The following INPP5A variants were observed in gnomAD, a reference collection of about 807,000 sequenced individuals.
The protein encoded by INPP5A is 43 kDa inositol polyphosphate 5-phophatase.
Under a neutral mutation model 65.2 loss-of-function variants are expected in INPP5A, and 14 were observed. The observed-to-expected ratio is 0.21, with a 90% CI of 0.14 to 0.34. The LOEUF is 0.34. INPP5A is among the 10% of genes least tolerant of loss of function. The probability of loss-of-function intolerance (pLI) is 1.00; values close to 1 mark genes in which losing one functional copy is unlikely to be tolerated. For missense variants in INPP5A, 431 were observed against 545.6 expected, an observed-to-expected ratio of 0.79 and a Z score of 2.09; for synonymous variants, 207 against 208.3, an observed-to-expected ratio of 0.99 and a Z score of 0.05.
chr10:132,772,478 A>G (rs370676504), intron 12 of INPP5A, among the ~76,000 whole-genome samples: 2,662 of 98,218 alleles, frequency 0.027, 25 homozygotes, highest in Non-Finnish European at 0.041. Flanking sequence ...AGAGTGGGAC[A>G]GACACTCAGC....
intron 4 of INPP5A, among the ~76,000 whole-genome samples, chr10:132,661,439 C>A (rs1169170650): frequency 6.6e-6 from 1 of 152,126 alleles, no homozygotes; most frequent in Non-Finnish European, 1.5e-5. Context: ...TTTATAATAG[C>A]ATCAAAAATA....
At chr10:132,776,989 C>T (rs978584773) in intron 12 of INPP5A, among the ~76,000 whole-genome samples, 8 of 152,154 alleles carry the variant, frequency 5.3e-5, no homozygotes, top group South Asian at 2.1e-4. Context: ...GTGGTGGAGA[C>T]GCAACCAGCA....
intron 8 of INPP5A, among the ~76,000 whole-genome samples, chr10:132,720,244 G>C (rs143419788): frequency 0.028 from 4,167 of 149,480 alleles, no homozygotes; most frequent in African/African-American, 0.097. Context: ...TTAGACGGCT[G>C]TCTTGCGGGT....
At chr10:132,553,551 G>A (rs1450341827) in intron 1 of INPP5A, among the ~76,000 whole-genome samples, 1 of 146,862 alleles carries the variant, frequency 6.8e-6, no homozygotes, top group Non-Finnish European at 1.5e-5. Flanking sequence ...GGGAGGATTG[G>A]TGAACGCCTT....
At chr10:132,597,923 G>A (rs562362268) in intron 1 of INPP5A, among the ~76,000 whole-genome samples, 39 of 151,800 alleles carry the variant, frequency 2.6e-4, no homozygotes, top group Non-Finnish European at 4.3e-4. Context: ...CCTGTGGTGC[G>A]TCCTGCGGGG....
intron 11 of INPP5A, among the ~76,000 whole-genome samples, chr10:132,755,296 C>T (rs556188081): frequency 1.4e-5 from 2 of 142,266 alleles, no homozygotes; most frequent in South Asian, 2.3e-4. Context: ...TGTGTGTGAG[C>T]GTGTATGCAT....
intron 9 of INPP5A, 118 bp from the exon 10 acceptor site, chr10:132,749,399 T>A (rs1846430271): frequency 1.0e-5 from 9 of 879,054 alleles, no homozygotes; most frequent in Non-Finnish European, 1.6e-5. Flanking sequence ...AATCTGGGTG[T>A]GACACCAGCT....
At chr10:132,561,434 G>A (rs762900582) in intron 1 of INPP5A, among the ~76,000 whole-genome samples, 17 of 151,430 alleles carry the variant, frequency 1.1e-4, no homozygotes, top group Admixed American at 3.3e-4. Flanking sequence ...TGGTTGTCTC[G>A]GTACCATTTT....
rs374390685 is a variant in INPP5A at position 132,627,464 on chromosome 10, A to G, written c.118-18404A>G. On this transcript the variant is annotated intron_variant, in intron 2 of 15. Transcript: ENST00000368594. This position sits in a 1 kb window ranked among gnomAD's most constrained non-coding sequence, Gnocchi z 6.6. Reference sequence around the variant, plus strand: ...TGGGCGCGGCTCCCAAGATGCGTGCAGCTGTCCGCGGTGGCTGCCTCGTCC... The same window carrying G: ...TGGGCGCGGCTCCCAAGATGCGTGCGGCTGTCCGCGGTGGCTGCCTCGTCC... Among the ~76,000 whole-genome samples, 22 of 152,286 alleles carry G rather than the reference A, an allele frequency of 1.4e-4. No individual in the cohort carries two copies. The East Asian group carries it at 4.1e-3, about 28-fold the overall frequency.
Position 132,675,770 on chromosome 10 carries a change from T to G in INPP5A, c.307-14622T>G, listed in dbSNP as rs1003614047. On this transcript the variant is annotated intron_variant, in intron 4 of 15. Coordinates refer to ENST00000368594, the MANE Select transcript of INPP5A (RefSeq NM_005539.5). This position sits in a 1 kb window ranked among gnomAD's most constrained non-coding sequence, Gnocchi z 4.2. The stretch of plus-strand genomic sequence containing the variant: ...GGCAATTTCCTAATATAATGGACAT[T>G]TAAAACTCAATTAAGGCTTTTGAGT... 3.3e-5 allele frequency among the ~76,000 whole-genome samples: 5 copies of G among 152,212 alleles called. No homozygotes were observed. Among genetic ancestry groups the G allele is most frequent in the Non-Finnish European group, 7.4e-5 (5 of 68,026 alleles).
chr10:132,648,691 A>C (rs1213470637), intron 3 of INPP5A, among the ~76,000 whole-genome samples: 1 of 152,214 alleles, frequency 6.6e-6, no homozygotes. Context: ...TACTTTAATG[A>C]TATCGCCCCA....
intron 11 of INPP5A, 78 bp from the exon 12 acceptor site, chr10:132,765,695 C>T: frequency 1.2e-6 from 1 of 849,476 alleles, no homozygotes; most frequent in South Asian, 1.4e-5. Flanking sequence ...ATTTGAGCGT[C>T]CCAGCTGCAC....
chr10:132,695,307 GA>G (rs567049656), intron 5 of INPP5A, among the ~76,000 whole-genome samples: 5 of 151,898 alleles, frequency 3.3e-5, no homozygotes, highest in Non-Finnish European at 5.9e-5. Context: ...TTCATTGTTT[GA>G]AAAAAAACTC....
rs1847191695 is a variant in INPP5A, at chr10:132,782,828, C to T, written c.*799C>T. The T allele has an allele frequency of 6.6e-6, 1 of 152,234 alleles. No individual in the cohort carries two copies. Among genetic ancestry groups the T allele is most frequent in the Admixed American group, 6.6e-5 (1 of 15,258 alleles). The allele number at this position is 152,234 out of a possible 1,614,324, so 9.4% of individuals were successfully genotyped here. A position where few individuals can be genotyped will look rare whatever the true frequency, so the allele number is the denominator to read the frequency against. On this transcript the variant is annotated 3_prime_UTR_variant, in exon 16 of 16. Transcript: ENST00000368594. The surrounding 1 kb of genome is among the most constrained non-coding windows in gnomAD (Gnocchi z 4.4). ...CCACAGCACGTCTGCACCAGCGGGCCGTTACTCCCATGCCGTTCTTCTGTG... is the reference window on the plus strand; with the variant it reads ...CCACAGCACGTCTGCACCAGCGGGCTGTTACTCCCATGCCGTTCTTCTGTG...
chr10:132,743,017 A>G lies in INPP5A; in HGVS notation c.733-6500A>G, dbSNP rs1342483802. Among the ~76,000 whole-genome samples, 4 of 152,186 alleles carry G rather than the reference A, an allele frequency of 2.6e-5. No individual in the cohort carries two copies. The East Asian group carries it at 7.7e-4, about 29-fold the overall frequency. On this transcript the variant is annotated intron_variant, in intron 9 of 15. Transcript: ENST00000368594. ...CGGCCATTGTTTCTGATTTCATGCT[A>G]TCAGAGGTCTGCGTGTTTTTCTGCA...
intron 8 of INPP5A, among the ~76,000 whole-genome samples, chr10:132,726,035 G>A (rs1845978855): frequency 6.6e-6 from 1 of 152,072 alleles, no homozygotes; most frequent in African/African-American, 2.4e-5. Flanking sequence ...TGGAGCCGCT[G>A]AGGGGAGATT....
intron 9 of INPP5A, among the ~76,000 whole-genome samples, chr10:132,731,846 G>A (rs145835160): frequency 7.8e-4 from 119 of 152,350 alleles, no homozygotes; most frequent in African/African-American, 2.6e-3. Flanking sequence ...CAGGGCGTTC[G>A]TGGGAAATCC....
At position 132,680,559 on chromosome 10, in the gene INPP5A, G is replaced by A. The variant is rs554539623; in HGVS notation, c.307-9833G>A. Among the ~76,000 whole-genome samples, 23 of 152,366 alleles carry A rather than the reference G, an allele frequency of 1.5e-4. No homozygotes were observed. The South Asian group carries it at 1.9e-3, about 12-fold the overall frequency. ...GCTCTGCCTGGGCTCCCACTTTGGCGGCACTGGAGGAGCCCTTCAGCCCAC... is the reference window on the plus strand; with the variant it reads ...GCTCTGCCTGGGCTCCCACTTTGGCAGCACTGGAGGAGCCCTTCAGCCCAC... On this transcript the variant is annotated intron_variant, in intron 4 of 15. Transcript: ENST00000368594.
chr10:132,563,977 C>T (rs183240104), intron 1 of INPP5A, among the ~76,000 whole-genome samples: 11 of 152,194 alleles, frequency 7.2e-5, no homozygotes, highest in African/African-American at 1.7e-4. Context: ...ATACCTGAAC[C>T]GAGAGGCCCG....
Sources: gnomAD v4.1 joint callset for allele counts (sites outside exome capture counted in the v4.1 genomes callset) on GRCh38, gnomAD v4.1.1 for gene constraint, Gnocchi (gnomAD v3.1) non-coding constraint, MANE v1.5 for transcripts, NCBI Gene and HGNC (gene_info 2026-07-23, HGNC 2026-07-21) for gene names.